Variants in PRF1 observed in about 807,000 individuals in gnomAD.
The protein encoded by PRF1 is perforin 1, also known as perforin-1.
PRF1 carries 11 observed loss-of-function variants against 11.7 expected under a neutral mutation model. That is an observed-to-expected ratio of 0.94 (90% CI 0.59 to 1.56). The LOEUF is 1.56. PRF1 is among the 40% of genes most tolerant of loss of function. PRF1 has a pLI of 0.00. For synonymous variants in PRF1, 314 were observed against 327.8 expected (o/e 0.96, Z 0.45); for missense variants, 729 against 751.0 (o/e 0.97, Z 0.34).
At chr10:70,601,088 C>T (rs1260943326) in intron 1 of PRF1, among the ~76,000 whole-genome samples, 156 bp from the exon 2 acceptor site, 2 of 152,200 alleles carry the variant, frequency 1.3e-5, no homozygotes, top group Non-Finnish European at 2.9e-5. Flanking sequence ...CCTGGTTCAG[C>T]CCCCACATTG....
At position 70,600,535 on chromosome 10, in the gene PRF1, C is replaced by G. The variant is rs139336186; in HGVS notation, c.368G>C (p.Arg123Pro). The change falls in exon 2 of 3, where the codon CGT becomes CCT. Residue 123 changes from arginine to proline, a missense_variant. Arg to Pro is a moderately radical substitution (Grantham distance 103). Coordinates refer to ENST00000441259, the MANE Select transcript of PRF1 (RefSeq NM_001083116.3). This position sits in a 1 kb window ranked among gnomAD's most constrained non-coding sequence, Gnocchi z 4.9. The part of the protein sequence containing the change: ...STEAVARDAA[R>P]SIRNDWKVGL... ...GACCTTCCAGTCGTTGCGGATGCTA[C>G]GAGCCGCATCCCGGGCCACAGCTTC... 6.2e-7 allele frequency: 1 copy of G among 1,613,262 alleles called. No homozygotes were observed.
rs768584055 is a variant in PRF1, at chr10:70,600,554, C to T, written c.349G>A (p.Val117Met). The stretch of plus-strand genomic sequence containing the variant: ...ATGCTACGAGCCGCATCCCGGGCCA[C>T]AGCTTCAGTGGAGCTGACTTTGGCC... Reference protein sequence around the residue: ...TRAKVSSTEAVARDAARSIRN... With the variant: ...TRAKVSSTEAMARDAARSIRN... Residue 117 changes from valine (V) to methionine (M), a missense_variant, in exon 2 of 3, where the codon GTG becomes ATG. Transcript: ENST00000441259. This position sits in a 1 kb window ranked among gnomAD's most constrained non-coding sequence, Gnocchi z 4.9. 1 of 1,614,198 alleles carries T rather than the reference C, an allele frequency of 6.2e-7. No individual in the cohort carries two copies. The highest frequency in any genetic ancestry group is 8.5e-7 in the Non-Finnish European group (1 of 1,180,042).
At position 70,598,668 on chromosome 10, in the gene PRF1, G is replaced by A; in HGVS notation, c.1053C>T (p.Asp351=). 6.2e-7 allele frequency: 1 copy of A among 1,613,990 alleles called. No individual in the cohort carries two copies. The highest frequency in any genetic ancestry group is 8.5e-7 in the Non-Finnish European group (1 of 1,180,030). The change falls in exon 3 of 3, where the codon GAC becomes GAT. Residue 351 remains aspartate (D), a synonymous_variant. Transcript: ENST00000441259. Reference sequence around the variant, plus strand: ...GTGCCTCCCGCCGCGGGTCCTGGCTGTCCAGCAGCACGTGCAGGGGTTCCA... The same window carrying A: ...GTGCCTCCCGCCGCGGGTCCTGGCTATCCAGCAGCACGTGCAGGGGTTCCA... The part of the protein sequence containing the change: ...YTLEPLHVLL[D]SQDPRREALR...
Position 70,602,638 on chromosome 10 carries a change from T to TCC in PRF1, c.-31+5_-31+6dup, listed in dbSNP as rs1848247374. 6.6e-6 allele frequency: 1 copy of TCC among 152,270 alleles called. No individual in the cohort carries two copies. Among genetic ancestry groups the TCC allele is most frequent in the Non-Finnish European group, 1.5e-5 (1 of 68,204 alleles). The allele number at this position is 152,270 out of a possible 1,614,324, so 9.4% of individuals were successfully genotyped here. A position where few individuals can be genotyped will look rare whatever the true frequency, so the allele number is the denominator to read the frequency against. On this transcript the variant is annotated splice_region_variant and intron_variant, in intron 1 of 2. Transcript: ENST00000441259. ...CCCAGGCCCCCCAATCCCTGCTCTC[T>TCC]CCTTACCTGGAATCCCGTATAGAGA... is the stretch of plus-strand genomic sequence containing the variant.
At position 70,597,734 on chromosome 10, in the gene PRF1, C is replaced by T. The variant is rs1848144529; in HGVS notation, c.*319G>A. On this transcript the variant is annotated 3_prime_UTR_variant, in exon 3 of 3. Coordinates refer to ENST00000441259, the MANE Select transcript of PRF1 (RefSeq NM_001083116.3). ...GAAAAACAGTCTGAATCTCCCTTTT[C>T]CATCTGTCTGATGCGTATCCAATCT... 1 of 595,862 alleles carries T rather than the reference C, an allele frequency of 1.7e-6. No individual in the cohort carries two copies. The highest frequency in any genetic ancestry group is 3.0e-5 in the Admixed American group (1 of 33,212). The allele number at this position is 595,862 out of a possible 1,614,324, so 36.9% of individuals were successfully genotyped here.
Position 70,597,457 on chromosome 10 carries a change from C to CA in PRF1, c.*595dup. 1 of 385,768 alleles carries CA rather than the reference C, an allele frequency of 2.6e-6. No individual in the cohort carries two copies. The highest frequency in any genetic ancestry group is 4.6e-6 in the Non-Finnish European group (1 of 217,470). 23.9% of individuals were successfully genotyped at this position (385,768 alleles called of 1,614,324 possible). A position where few individuals can be genotyped will look rare whatever the true frequency, so the allele number is the denominator to read the frequency against. On this transcript the variant is annotated 3_prime_UTR_variant, in exon 3 of 3. Coordinates refer to ENST00000441259, the MANE Select transcript of PRF1 (RefSeq NM_001083116.3). Reference sequence around the variant, plus strand: ...GGCAAAGCATTGTGGGCAAAGAAGACAGAGCAGCTGGAGCTGATGGGGCTC... The same window carrying CA: ...GGCAAAGCATTGTGGGCAAAGAAGACAAGAGCAGCTGGAGCTGATGGGGCTC...
chr10:70,598,485 C>G lies in PRF1; in HGVS notation c.1236G>C (p.Arg412Ser). 6.2e-7 allele frequency: 1 copy of G among 1,613,578 alleles called. No homozygotes were observed. Among genetic ancestry groups the G allele is most frequent in the Non-Finnish European group, 8.5e-7 (1 of 1,180,010 alleles). Residue 412 changes from arginine (R) to serine (S), a missense_variant, in exon 3 of 3, where the codon AGG becomes AGC. By Grantham distance (110) the Arg-to-Ser change is moderately radical (BLOSUM62 -1). Transcript: ENST00000441259. ...VTTQDCCPRQRGLAQLEVTFI... is the reference protein window; with the variant it reads ...VTTQDCCPRQSGLAQLEVTFI... ...AGGTCACCTCCAGCTGGGCCAGGCC[C>G]CTCTGCCGAGGGCAGCAGTCCTGGG...
Position 70,597,716 on chromosome 10 carries a change from A to G in PRF1, c.*337T>C. The G allele has an allele frequency of 1.7e-6, 1 of 593,386 alleles. No homozygotes were observed. The allele number at this position is 593,386 out of a possible 1,614,324, so 36.8% of individuals were successfully genotyped here. ...AAACCCAGCCACCTCCCTGAAAAAC[A>G]GTCTGAATCTCCCTTTTCCATCTGT... On this transcript the variant is annotated 3_prime_UTR_variant, in exon 3 of 3. Coordinates refer to ENST00000441259, the MANE Select transcript of PRF1 (RefSeq NM_001083116.3).
chr10:70,597,873 C>A lies in PRF1; in HGVS notation c.*180G>T. The A allele has an allele frequency of 7.1e-6, 5 of 705,846 alleles. No homozygotes were observed. Among genetic ancestry groups the A allele is most frequent in the Non-Finnish European group, 1.2e-5 (5 of 425,228 alleles). 43.7% of individuals were successfully genotyped at this position (705,846 alleles called of 1,614,324 possible). A position where few individuals can be genotyped will look rare whatever the true frequency, so the allele number is the denominator to read the frequency against. On this transcript the variant is annotated 3_prime_UTR_variant, in exon 3 of 3. Transcript: ENST00000441259. ...AAAAAAAAAAAATAGCAAAAAGAAA[C>A]TCATAATGTTTTAAGAAAGTTTGCG...
Position 70,598,866 on chromosome 10 carries a change from C to T in PRF1, c.855G>A (p.Lys285=). The change falls in exon 3 of 3, where the codon AAG becomes AAA. Residue 285 remains lysine (K), a synonymous_variant. Coordinates refer to ENST00000441259, the MANE Select transcript of PRF1 (RefSeq NM_001083116.3). ...GGTGGAAGGAGGCCGTCATCTTGTGCTTCTTCTTCTTCTCCTCACAGGCCT... is the reference window on the plus strand; with the variant it reads ...GGTGGAAGGAGGCCGTCATCTTGTGTTTCTTCTTCTTCTCCTCACAGGCCT... ...EAKACEEKKK[K]HKMTASFHQT... is the part of the protein sequence containing the mutation. 1.3e-6 allele frequency: 2 copies of T among 1,590,580 alleles called. No individual in the cohort carries two copies. The highest frequency in any genetic ancestry group is 1.7e-6 in the Non-Finnish European group (2 of 1,161,162).
Position 70,598,342 on chromosome 10 carries a change from A to C in PRF1, c.1379T>G (p.Ile460Ser). The change falls in exon 3 of 3, where the codon ATC becomes AGC. Residue 460 changes from isoleucine to serine, a missense_variant. By Grantham distance (142) the Ile-to-Ser change is moderately radical. Transcript: ENST00000441259. ...CCCAAAATCCAGCCGCACTGACCAG[A>C]TGGGGTTGTTATTGTCCCACACGGT... ...TSTVWDNNNP[I>S]WSVRLDFGDV... is the part of the protein sequence containing the mutation. The C allele has an allele frequency of 6.2e-7, 1 of 1,614,074 alleles. No individual in the cohort carries two copies. The highest frequency in any genetic ancestry group is 1.6e-4 in the Middle Eastern group (1 of 6,062).
In PRF1 at chr10:70,598,308, G is replaced by A. The variant is rs1163072439; in HGVS notation, c.1413C>T (p.Leu471=). 1.9e-6 allele frequency: 3 copies of A among 1,614,074 alleles called. No homozygotes were observed. Among genetic ancestry groups the A allele is most frequent in the Non-Finnish European group, 2.5e-6 (3 of 1,180,040 alleles). The change falls in exon 3 of 3, where the codon CTC becomes CTT. Residue 471 remains leucine (L), a synonymous_variant. Coordinates refer to ENST00000441259, the MANE Select transcript of PRF1 (RefSeq NM_001083116.3). The part of the protein sequence containing the change: ...WSVRLDFGDV[L]LATGGPLRLQ... Reference sequence around the variant, plus strand: ...ACCTCAGGGGCCCCCCTGTGGCCAGGAGCACATCCCCAAAATCCAGCCGCA... The same window carrying A: ...ACCTCAGGGGCCCCCCTGTGGCCAGAAGCACATCCCCAAAATCCAGCCGCA...
Position 70,598,780 on chromosome 10 carries a change from A to T in PRF1, c.941T>A (p.Leu314Gln). ...GGGCCCGGCCTGGATCCCGAACAGC[A>T]GGTCGTTAATGGAGGTGTGATGGCC... is the stretch of plus-strand genomic sequence containing the variant. Reference protein sequence around the residue: ...VGGHHTSINDLLFGIQAGPEQ... With the variant: ...VGGHHTSINDQLFGIQAGPEQ... Residue 314 changes from leucine to glutamine, a missense_variant, in exon 3 of 3, where the codon CTG (leucine) becomes CAG (glutamine). By Grantham distance (113) the Leu-to-Gln change is moderately radical. Transcript: ENST00000441259. 6.2e-7 allele frequency: 1 copy of T among 1,614,198 alleles called. No homozygotes were observed. Among genetic ancestry groups the T allele is most frequent in the South Asian group, 1.1e-5 (1 of 91,088 alleles).
chr10:70,601,840 A>AAAAAAAAAAGGGAAAGAAAAAAAAG (rs55649452), intron 1 of PRF1, among the ~76,000 whole-genome samples: 1 of 97,764 alleles, frequency 1.0e-5, no homozygotes, highest in Non-Finnish European at 1.9e-5. Flanking sequence ...AAAAAAAAAA[A>AAAAAAAAAAGGGAAAGAAAAAAAAG]AAAAAGGGGC....
rs1564723372 is a variant in PRF1 at position 70,598,015 on chromosome 10, C to CA, written c.*37dup. On this transcript the variant is annotated 3_prime_UTR_variant, in exon 3 of 3. Coordinates refer to ENST00000441259, the MANE Select transcript of PRF1 (RefSeq NM_001083116.3). The stretch of plus-strand genomic sequence containing the variant: ...CTGGCTCCCACTGTGAGAACCCCTT[C>CA]AGTCCAAGCATACTGGTCCTTTCCA... 1.2e-6 allele frequency: 2 copies of CA among 1,607,138 alleles called. No homozygotes were observed. The highest frequency in any genetic ancestry group is 2.2e-5 in the South Asian group (2 of 90,920).
chr10:70,598,799 G>A lies in PRF1; in HGVS notation c.922C>T (p.His308Tyr), dbSNP rs1446635758. ...AACAGCAGGTCGTTAATGGAGGTGT[G>A]ATGGCCGCCAACCACTTCCGAGTGG... ...ERHSEVVGGHHTSINDLLFGI... is the reference protein window; with the variant it reads ...ERHSEVVGGHYTSINDLLFGI... Residue 308 changes from histidine (H) to tyrosine (Y), a missense_variant, in exon 3 of 3, where the codon CAC becomes TAC. Physicochemically the swap from His to Tyr is moderately conservative, Grantham distance 83. Coordinates refer to ENST00000441259, the MANE Select transcript of PRF1 (RefSeq NM_001083116.3). The A allele has an allele frequency of 1.2e-6, 2 of 1,614,148 alleles. No individual in the cohort carries two copies. Among genetic ancestry groups the A allele is most frequent in the Non-Finnish European group, 1.7e-6 (2 of 1,180,054 alleles).
Position 70,598,684 on chromosome 10 carries a change from A to G in PRF1, c.1037T>C (p.Leu346Pro). The change falls in exon 3 of 3, where the codon CTG becomes CCG. Residue 346 changes from leucine (L) to proline (P), a missense_variant. Leu to Pro is a moderately conservative substitution (Grantham distance 98, BLOSUM62 -3). Coordinates refer to ENST00000441259, the MANE Select transcript of PRF1 (RefSeq NM_001083116.3). ...GTCCTGGCTGTCCAGCAGCACGTGCAGGGGTTCCAGGGTGTAGTCCACCAG... is the reference window on the plus strand; with the variant it reads ...GTCCTGGCTGTCCAGCAGCACGTGCGGGGGTTCCAGGGTGTAGTCCACCAG... ...PGLVDYTLEPLHVLLDSQDPR... is the reference protein window; with the variant it reads ...PGLVDYTLEPPHVLLDSQDPR... The G allele has an allele frequency of 6.2e-7, 1 of 1,614,078 alleles. No individual in the cohort carries two copies. Among genetic ancestry groups the G allele is most frequent in the Non-Finnish European group, 8.5e-7 (1 of 1,180,032 alleles).
In PRF1 at chr10:70,598,271, C is replaced by T. The variant is rs775875013; in HGVS notation, c.1450G>A (p.Asp484Asn). The T allele has an allele frequency of 6.2e-7, 1 of 1,614,224 alleles. No individual in the cohort carries two copies. The highest frequency in any genetic ancestry group is 1.1e-5 in the South Asian group (1 of 91,088). ...TCATCGTCCCTGCCAGAGTCCTGAT[C>T]CCAGACCTGCAACCTCAGGGGCCCC... ...TGGPLRLQVWDQDSGRDDDLL... is the reference protein window; with the variant it reads ...TGGPLRLQVWNQDSGRDDDLL... Residue 484 changes from aspartate to asparagine, a missense_variant, in exon 3 of 3, where the codon GAT becomes AAT. Transcript: ENST00000441259.
In PRF1 at chr10:70,599,063, C is replaced by G. The variant is rs776571416; in HGVS notation, c.658G>C (p.Gly220Arg). The G allele has an allele frequency of 9.3e-6, 15 of 1,613,426 alleles. No homozygotes were observed. Among genetic ancestry groups the G allele is most frequent in the South Asian group, 3.3e-5 (3 of 91,062 alleles). ...PAYLRLISNY[G>R]THFIRAVELG... Reference sequence around the variant, plus strand: ...TCCACAGCCCGGATGAAGTGGGTGCCGTAGTTGGAGATAAGCCTGAGGTAG... The same window carrying G: ...TCCACAGCCCGGATGAAGTGGGTGCGGTAGTTGGAGATAAGCCTGAGGTAG... Residue 220 changes from glycine to arginine, a missense_variant, in exon 3 of 3, where the codon GGC becomes CGC. Transcript: ENST00000441259.
Sources: allele counts gnomAD v4.1 joint callset (sites outside exome capture counted in the v4.1 genomes callset), GRCh38; gene constraint gnomAD v4.1.1; non-coding constraint Gnocchi (gnomAD v3.1); transcripts MANE v1.5; gene names NCBI Gene and HGNC (gene_info 2026-07-23, HGNC 2026-07-21).